Variants in KCNQ5 observed in about 807,000 individuals in gnomAD.
KCNQ5 encodes potassium voltage-gated channel subfamily Q member 5.
A neutral mutation model predicts 98.2 loss-of-function variants in KCNQ5; 30 were observed. The observed-to-expected ratio is 0.31, with a 90% CI of 0.23 to 0.41. The LOEUF (loss-of-function observed/expected upper bound fraction) is 0.41, where lower values mean the gene tolerates loss of function less well. Among genes scored for constraint, KCNQ5 ranks in the 10% least tolerant of loss-of-function variants. KCNQ5 has a pLI of 1.00. For synonymous variants in KCNQ5, 458 were observed against 449.4 expected (o/e 1.02, Z -0.24); for missense variants, 835 against 1,182.5 (o/e 0.71, Z 4.31).
At chr6:73,142,120 G>C (rs185627256) in intron 10 of KCNQ5, among the ~76,000 whole-genome samples, 63 of 152,298 alleles carry the variant, frequency 4.1e-4, no homozygotes, top group African/African-American at 1.3e-3. Flanking sequence ...TTCCCCCAGA[G>C]AGAGCTGAGA....
intron 1 of KCNQ5, among the ~76,000 whole-genome samples, chr6:72,672,888 A>G (rs1767206399): frequency 6.6e-6 from 1 of 152,186 alleles, no homozygotes; most frequent in Admixed American, 6.5e-5. Context: ...TTGTGAAAAG[A>G]TTTGAGTGAT....
At chr6:72,723,986 T>G (rs1157790011) in intron 1 of KCNQ5, among the ~76,000 whole-genome samples, 1 of 152,182 alleles carries the variant, frequency 6.6e-6, no homozygotes, top group African/African-American at 2.4e-5. Flanking sequence ...TGTTGTAATA[T>G]GATTTTTAAG....
intron 12 of KCNQ5, among the ~76,000 whole-genome samples, chr6:73,191,630 G>T (rs930191636): frequency 6.6e-6 from 1 of 152,118 alleles, no homozygotes; most frequent in African/African-American, 2.4e-5. Context: ...TGGGCCCTTA[G>T]TAAAATACCT....
chr6:73,134,048 G>A (rs1376878049), intron 10 of KCNQ5: 1 of 468,074 alleles, frequency 2.1e-6, no homozygotes, highest in South Asian at 1.6e-5. Flanking sequence ...CAGTAAGGAG[G>A]ATGATCATTT....
chr6:72,737,702 G>C (rs1186386358), intron 1 of KCNQ5, among the ~76,000 whole-genome samples: 1 of 152,146 alleles, frequency 6.6e-6, no homozygotes, highest in Non-Finnish European at 1.5e-5. Flanking sequence ...AAATGCTAAT[G>C]AAATCACATT....
At chr6:72,729,646 A>G (rs1561946550) in intron 1 of KCNQ5, among the ~76,000 whole-genome samples, 1 of 152,204 alleles carries the variant, frequency 6.6e-6, no homozygotes, top group Non-Finnish European at 1.5e-5. Context: ...TACTCCCACC[A>G]ATAATATAAA....
chr6:72,710,192 A>C (rs1158535872), intron 1 of KCNQ5, among the ~76,000 whole-genome samples: 2 of 152,164 alleles, frequency 1.3e-5, no homozygotes, highest in Admixed American at 6.5e-5. Context: ...CTGGAAGCCT[A>C]CCCAAGGGAA....
intron 1 of KCNQ5, among the ~76,000 whole-genome samples, chr6:72,812,197 G>A (rs563354081): frequency 3.7e-4 from 56 of 152,158 alleles, no homozygotes; most frequent in African/African-American, 1.2e-3. Flanking sequence ...TGTTTTATCC[G>A]CAGGGTCTTT....
chr6:73,082,728 T>C (rs1445450875), intron 5 of KCNQ5, among the ~76,000 whole-genome samples: 1 of 152,148 alleles, frequency 6.6e-6, no homozygotes, highest in Non-Finnish European at 1.5e-5. Context: ...CTCTCAGAAC[T>C]TATTTCCTCT....
chr6:72,994,384 C>G (rs1192288703), intron 1 of KCNQ5, among the ~76,000 whole-genome samples: 5 of 77,738 alleles, frequency 6.4e-5, no homozygotes, highest in African/African-American at 2.5e-4. Context: ...TTAAGCCGGT[C>G]TGAAAAGCGC....
At chr6:73,057,507 T>A (rs1288732477) in intron 3 of KCNQ5, among the ~76,000 whole-genome samples, 1 of 151,664 alleles carries the variant, frequency 6.6e-6, no homozygotes, top group African/African-American at 2.4e-5. Context: ...AATAAAAATT[T>A]AAAAAATGAA....
chr6:72,877,211 C>T (rs980454647), intron 1 of KCNQ5, among the ~76,000 whole-genome samples: 11 of 152,158 alleles, frequency 7.2e-5, no homozygotes, highest in African/African-American at 2.7e-4. Context: ...CTATCCCTCT[C>T]CTTGCCCCGA....
At chr6:73,045,449 T>C (rs911187641) in intron 3 of KCNQ5, among the ~76,000 whole-genome samples, 1 of 152,172 alleles carries the variant, frequency 6.6e-6, no homozygotes, top group Non-Finnish European at 1.5e-5. Context: ...CTAAGACTCT[T>C]CTGTCATAAT....
intron 1 of KCNQ5, among the ~76,000 whole-genome samples, chr6:72,647,116 C>T (rs982715232): frequency 3.9e-5 from 6 of 152,342 alleles, no homozygotes; most frequent in African/African-American, 7.2e-5. Context: ...ACTATTCTTA[C>T]ATTACAACAA....
At chr6:72,917,514 A>G (rs949491632) in intron 1 of KCNQ5, among the ~76,000 whole-genome samples, 4 of 150,494 alleles carry the variant, frequency 2.7e-5, no homozygotes, top group Non-Finnish European at 5.9e-5. Context: ...GCTCTGTCAC[A>G]CAGGCTGGAG....
At chr6:73,193,083 T>C (rs966496150) in intron 13 of KCNQ5, among the ~76,000 whole-genome samples, 2 of 149,114 alleles carry the variant, frequency 1.3e-5, no homozygotes, top group Non-Finnish European at 1.5e-5. Context: ...TGTAGTGGCA[T>C]GCTCCCAGCT....
rs1413980070 is a variant in KCNQ5, at chr6:73,120,038, G to T, written c.1126-445G>T. ...GGATCACTTGAGGTCAGGAATTTGA[G>T]ACCAGCCTGGCCAGCATGGTGAAAC... On this transcript the variant is annotated intron_variant, in intron 7 of 13. Coordinates refer to ENST00000370398, the MANE Select transcript of KCNQ5 (RefSeq NM_019842.4). Among the ~76,000 whole-genome samples the T allele has an allele frequency of 2.7e-5, 4 of 149,386 alleles. No individual in the cohort carries two copies. The East Asian group carries it at 5.9e-4, about 22-fold the overall frequency.
At position 72,622,963 on chromosome 6, in the gene KCNQ5, C is replaced by G. The variant is rs1212363363; in HGVS notation, c.398+376C>G. Among the ~76,000 whole-genome samples, 1 of 151,996 alleles carries G rather than the reference C, an allele frequency of 6.6e-6. No homozygotes were observed. Among genetic ancestry groups the G allele is most frequent in the Non-Finnish European group, 1.5e-5 (1 of 68,006 alleles). ...CTAGGGAATGCAAAGGGAGGACAGG[C>G]GCCCGTGTGAGGCTTGAGAGTATAC... On this transcript the variant is annotated intron_variant, in intron 1 of 13. Coordinates refer to ENST00000370398, the MANE Select transcript of KCNQ5 (RefSeq NM_019842.4). This position sits in a 1 kb window ranked among gnomAD's most constrained non-coding sequence, Gnocchi z 6.0.
chr6:72,668,190 C>T (rs999954354), intron 1 of KCNQ5, among the ~76,000 whole-genome samples: 2 of 152,082 alleles, frequency 1.3e-5, no homozygotes, highest in Admixed American at 6.6e-5. Context: ...CAATTTTTGC[C>T]TCTTTTTCTA....
Sources: allele counts gnomAD v4.1 joint callset (sites outside exome capture counted in the v4.1 genomes callset), GRCh38; gene constraint gnomAD v4.1.1; non-coding constraint Gnocchi (gnomAD v3.1); transcripts MANE v1.5; gene names NCBI Gene and HGNC (gene_info 2026-07-23, HGNC 2026-07-21).